Variants in PRTFDC1 observed in about 807,000 individuals in gnomAD.
PRTFDC1 encodes phosphoribosyltransferase domain-containing protein 1.
In PRTFDC1, 38 loss-of-function variants were observed where a neutral mutation model predicts 34.6. The ratio of observed to expected loss-of-function variants is 1.10; its 90% CI spans 0.85 to 1.44. The LOEUF (loss-of-function observed/expected upper bound fraction) is 1.44. Ranked by LOEUF, PRTFDC1 falls within the 40% of genes most tolerant of loss-of-function variation. The pLI is 0.00. For missense variants in PRTFDC1, 270 were observed against 283.0 expected, an observed-to-expected ratio of 0.95 and a Z score of 0.33; for synonymous variants, 93 against 98.1, an observed-to-expected ratio of 0.95 and a Z score of 0.31.
chr10:24,853,426 A>G (rs1425282515), intron 7 of PRTFDC1, among the ~76,000 whole-genome samples: 1 of 152,134 alleles, frequency 6.6e-6, no homozygotes, highest in East Asian at 1.9e-4. Context: ...AGCCTGGCCA[A>G]CATGGTGAAA....
intron 3 of PRTFDC1, among the ~76,000 whole-genome samples, chr10:24,872,806 AT>A (rs66588467): frequency 0.02 from 2,378 of 117,476 alleles, 50 homozygotes; most frequent in African/African-American, 0.054. Context: ...ATATATATAT[AT>A]TTTTTTTTTT....
chr10:24,928,125 A>C (rs184791415), intron 3 of PRTFDC1, among the ~76,000 whole-genome samples: 1 of 152,336 alleles, frequency 6.6e-6, no homozygotes, highest in East Asian at 1.9e-4. Flanking sequence ...ATAAAGTAAC[A>C]ATCTATGATG....
chr10:24,857,025 A>C (rs1297249621), intron 5 of PRTFDC1, 30 bp from the exon 6 acceptor site: 7 of 1,555,286 alleles, frequency 4.5e-6, no homozygotes, highest in Non-Finnish European at 6.2e-6. Flanking sequence ...AAATTCAACA[A>C]AATGCATTTG....
chr10:24,937,510 G>A, intron 2 of PRTFDC1, 143 bp from the exon 3 acceptor site: 1 of 571,120 alleles, frequency 1.8e-6, no homozygotes, highest in Non-Finnish European at 2.8e-6. Flanking sequence ...CCCACCGATA[G>A]AAAAGCTTTG....
At chr10:24,949,732 TTTA>T (rs1564322913) in intron 1 of PRTFDC1, among the ~76,000 whole-genome samples, 6 of 116,344 alleles carry the variant, frequency 5.2e-5, no homozygotes, top group Middle Eastern at 4.5e-3. Context: ...TATTTATTTA[TTTA>T]TTTATTTTTT....
At chr10:24,859,467 C>T (rs1847638781) in intron 4 of PRTFDC1, among the ~76,000 whole-genome samples, 1 of 152,170 alleles carries the variant, frequency 6.6e-6, no homozygotes, top group Non-Finnish European at 1.5e-5. Context: ...ACCATGTTGG[C>T]CAGGCTGAGC....
At chr10:24,862,177 C>A (rs971129598) in intron 4 of PRTFDC1, among the ~76,000 whole-genome samples, 9 of 151,920 alleles carry the variant, frequency 5.9e-5, no homozygotes, top group Non-Finnish European at 1.2e-4. Context: ...TTATGTATAG[C>A]CAAACTATTA....
intron 3 of PRTFDC1, among the ~76,000 whole-genome samples, chr10:24,918,159 A>G (rs925845164): frequency 1.3e-5 from 2 of 152,054 alleles, no homozygotes; most frequent in African/African-American, 2.4e-5. Flanking sequence ...TGTCCCTGAC[A>G]TTGCTGGAGC....
chr10:24,858,338 C>T (rs1847617610), intron 5 of PRTFDC1, 54 bp downstream of exon 5: 1 of 1,578,952 alleles, frequency 6.3e-7, no homozygotes, highest in East Asian at 2.2e-5. Context: ...CCGTTTAAAA[C>T]TCACCATTAG....
intron 3 of PRTFDC1, among the ~76,000 whole-genome samples, chr10:24,891,793 A>G (rs1321532031): frequency 1.3e-5 from 2 of 152,104 alleles, no homozygotes; most frequent in African/African-American, 4.8e-5. Flanking sequence ...AAATATATGA[A>G]ACAACAGTTT....
At chr10:24,870,172 C>T (rs141216685) in intron 4 of PRTFDC1, among the ~76,000 whole-genome samples, 110 of 152,236 alleles carry the variant, frequency 7.2e-4, no homozygotes, top group African/African-American at 2.5e-3. Flanking sequence ...TGCACTGGTG[C>T]CATCATAGCT....
chr10:24,914,890 A>C (rs535148317), intron 3 of PRTFDC1, among the ~76,000 whole-genome samples: 2 of 152,264 alleles, frequency 1.3e-5, no homozygotes, highest in African/African-American at 4.8e-5. Context: ...ACCTGTTTGG[A>C]TGATACAGTT....
chr10:24,851,961 G>A (rs1425583562), intron 7 of PRTFDC1, among the ~76,000 whole-genome samples: 1 of 151,938 alleles, frequency 6.6e-6, no homozygotes, highest in Non-Finnish European at 1.5e-5. Flanking sequence ...GGGCTGGAAA[G>A]CAAAAGCCAG....
chr10:24,896,142 C>A (rs1018001190), intron 3 of PRTFDC1, among the ~76,000 whole-genome samples: 3 of 152,148 alleles, frequency 2.0e-5, no homozygotes, highest in Admixed American at 2.0e-4. Context: ...TGGTACTGGT[C>A]TGTGGTCGTT....
At chr10:24,870,067 T>C (rs1317985973) in intron 4 of PRTFDC1, among the ~76,000 whole-genome samples, 1 of 152,162 alleles carries the variant, frequency 6.6e-6, no homozygotes, top group Non-Finnish European at 1.5e-5. Context: ...TTGCAACTTG[T>C]GGAAAGGGCT....
chr10:24,880,496 C>T (rs1486637764), intron 3 of PRTFDC1, among the ~76,000 whole-genome samples: 3 of 152,194 alleles, frequency 2.0e-5, no homozygotes, highest in Admixed American at 6.6e-5. Context: ...GAAACATACA[C>T]ATCTGTGTGA....
At chr10:24,917,451 T>C (rs952597256) in intron 3 of PRTFDC1, among the ~76,000 whole-genome samples, 6 of 152,236 alleles carry the variant, frequency 3.9e-5, no homozygotes. Flanking sequence ...CAGACTCTTG[T>C]TCTTACTTTA....
intron 3 of PRTFDC1, among the ~76,000 whole-genome samples, chr10:24,918,062 G>T (rs908621340): frequency 6.6e-6 from 1 of 152,122 alleles, no homozygotes; most frequent in African/African-American, 2.4e-5. Flanking sequence ...GGGGAGGAGA[G>T]CTGTCACCTG....
chr10:24,893,008 A>G (rs1342778578), intron 3 of PRTFDC1, among the ~76,000 whole-genome samples: 1 of 152,216 alleles, frequency 6.6e-6, no homozygotes, highest in Non-Finnish European at 1.5e-5. Flanking sequence ...TCCGTAGATA[A>G]GACAATCCAC....
Sources: gnomAD v4.1 joint callset for allele counts (sites outside exome capture counted in the v4.1 genomes callset) on GRCh38, gnomAD v4.1.1 for gene constraint, MANE v1.5 for transcripts, NCBI Gene and HGNC (gene_info 2026-07-23, HGNC 2026-07-21) for gene names.